The following PLEKHH2 variants were observed in gnomAD, a reference collection of about 807,000 sequenced individuals.
PLEKHH2 encodes the protein pleckstrin homology, MyTH4 and FERM domain containing H2, also known as pleckstrin homology domain-containing family H member 2.
PLEKHH2 carries 129 observed loss-of-function variants against 187.9 expected under a neutral mutation model. The observed-to-expected ratio is 0.69, with a 90% CI of 0.59 to 0.79. The LOEUF is 0.79. Among genes scored for constraint, PLEKHH2 ranks in the 30% least tolerant of loss-of-function variants. The pLI, the probability that PLEKHH2 is intolerant of heterozygous loss-of-function variation, is 0.00. For missense variants in PLEKHH2, 2,076 were observed against 1,751.2 expected, an observed-to-expected ratio of 1.19 and a Z score of -3.31; for synonymous variants, 686 against 605.6, an observed-to-expected ratio of 1.13 and a Z score of -1.95.
intron 2 of PLEKHH2, among the ~76,000 whole-genome samples, chr2:43,668,708 C>G (rs995099024): frequency 6.6e-6 from 1 of 152,142 alleles, no homozygotes; most frequent in Non-Finnish European, 1.5e-5. Flanking sequence ...CACAATGGTA[C>G]CTGTCTGTAG....
intron 3 of PLEKHH2, 149 bp downstream of exon 3, chr2:43,679,074 C>G (rs935314341): frequency 8.2e-6 from 4 of 486,668 alleles, no homozygotes; most frequent in African/African-American, 6.0e-5. Context: ...AATGGAGAAT[C>G]TAACTCTATT....
intron 11 of PLEKHH2, 82 bp downstream of exon 11, chr2:43,707,627 A>G (rs1669727042): frequency 6.6e-7 from 1 of 1,509,298 alleles, no homozygotes; most frequent in East Asian, 2.3e-5. Context: ...TTACAGGATT[A>G]TTTTTTAAAT....
At chr2:43,695,256 G>T (rs1446649140) in intron 6 of PLEKHH2, 32 bp downstream of exon 6, 2 of 1,295,632 alleles carry the variant, frequency 1.5e-6, no homozygotes, top group African/African-American at 1.5e-5. Flanking sequence ...AGCTTAGTTG[G>T]ATTTATTTGA....
chr2:43,663,970 C>CTGTAGA (rs1337809674), intron 2 of PLEKHH2, among the ~76,000 whole-genome samples: 1 of 117,976 alleles, frequency 8.5e-6, no homozygotes, highest in Non-Finnish European at 1.8e-5. Flanking sequence ...GTGGAGAGTT[C>CTGTAGA]TGTAGATGTC....
chr2:43,666,111 C>T (rs1380908673), intron 2 of PLEKHH2, among the ~76,000 whole-genome samples: 1 of 149,742 alleles, frequency 6.7e-6, no homozygotes, highest in South Asian at 2.1e-4. Flanking sequence ...GACTGCTGTG[C>T]TAGCAATCAG....
At chr2:43,684,818 C>CA (rs1193570642) in intron 3 of PLEKHH2, among the ~76,000 whole-genome samples, 18 of 130,648 alleles carry the variant, frequency 1.4e-4, no homozygotes, top group African/African-American at 5.2e-4. Context: ...ACTCCCATTA[C>CA]CAAAAAAAAA....
intron 2 of PLEKHH2, among the ~76,000 whole-genome samples, chr2:43,645,966 G>C (rs896116163): frequency 2.6e-5 from 4 of 152,084 alleles, no homozygotes; most frequent in African/African-American, 7.2e-5. Context: ...GAATCTCTTA[G>C]TACAGAATTA....
chr2:43,666,479 C>T (rs980008593), intron 2 of PLEKHH2, among the ~76,000 whole-genome samples: 3 of 147,200 alleles, frequency 2.0e-5, no homozygotes, highest in South Asian at 2.1e-4. Context: ...TGTTCCTATT[C>T]GGCCATCTTG....
intron 14 of PLEKHH2, 114 bp from the exon 15 acceptor site, chr2:43,712,110 AT>A (rs1438379812): frequency 4.3e-6 from 6 of 1,386,212 alleles, no homozygotes; most frequent in Non-Finnish European, 5.9e-6. Context: ...GGGACTTGAG[AT>A]TTAGCATGTT....
intron 3 of PLEKHH2, among the ~76,000 whole-genome samples, chr2:43,682,293 G>A (rs1668233026): frequency 6.6e-6 from 1 of 151,980 alleles, no homozygotes; most frequent in Non-Finnish European, 1.5e-5. Flanking sequence ...AATCAAAGTG[G>A]AATTCACATA....
At position 43,765,841 on chromosome 2, in the gene PLEKHH2, C is replaced by G; in HGVS notation, c.*243C>G. 2.7e-6 allele frequency: 1 copy of G among 372,158 alleles called. No individual in the cohort carries two copies. The allele number at this position is 372,158 out of a possible 1,614,324, so 23.1% of individuals were successfully genotyped here. A position where few individuals can be genotyped will look rare whatever the true frequency, so the allele number is the denominator to read the frequency against. On this transcript the variant is annotated 3_prime_UTR_variant, in exon 30 of 30. Coordinates refer to ENST00000282406, the MANE Select transcript of PLEKHH2 (RefSeq NM_172069.4). ...ATAGAGTAAATGAGTAAGAATTCAT[C>G]ATTTTTTCCATCTCCCTTCTCCCTT...
At chr2:43,747,636 A>G (rs1252201206) in intron 24 of PLEKHH2, among the ~76,000 whole-genome samples, 1 of 152,130 alleles carries the variant, frequency 6.6e-6, no homozygotes, top group African/African-American at 2.4e-5. Flanking sequence ...TATTAGCAAA[A>G]GGTAGTACTT....
At chr2:43,701,140 C>A (rs969478725) in intron 8 of PLEKHH2, among the ~76,000 whole-genome samples, 2 of 152,208 alleles carry the variant, frequency 1.3e-5, no homozygotes, top group South Asian at 4.1e-4. Flanking sequence ...AATGAGCTTT[C>A]TAATACTGAA....
At chr2:43,761,360 A>AT (rs1672421061) in intron 27 of PLEKHH2, among the ~76,000 whole-genome samples, 1 of 151,394 alleles carries the variant, frequency 6.6e-6, no homozygotes, top group African/African-American at 2.4e-5. Context: ...CTTTTTATTA[A>AT]TATAATTTCA....
At chr2:43,754,421 G>A (rs557903320) in intron 25 of PLEKHH2, among the ~76,000 whole-genome samples, 1 of 151,930 alleles carries the variant, frequency 6.6e-6, no homozygotes, top group South Asian at 2.1e-4. Flanking sequence ...GGGCTGAAAA[G>A]GGCATGCTCT....
In PLEKHH2 at chr2:43,758,911, A is replaced by T; in HGVS notation, c.3953A>T (p.Gln1318Leu). ...CSEEQLRQLC[Q>L]RLSTRWMALR... ...TTCTTTTTTTTTAGGCAGCTTTGCCAGCGACTTTCAACCAGATGGATGGCC... is the reference window on the plus strand; with the variant it reads ...TTCTTTTTTTTTAGGCAGCTTTGCCTGCGACTTTCAACCAGATGGATGGCC... Residue 1318 changes from glutamine to leucine, a missense_variant, in exon 27 of 30, where the codon CAG (glutamine) becomes CTG (leucine). By Grantham distance (113) the Gln-to-Leu change is moderately radical (BLOSUM62 -2). Transcript: ENST00000282406. 6.3e-7 allele frequency: 1 copy of T among 1,577,002 alleles called. No individual in the cohort carries two copies. The highest frequency in any genetic ancestry group is 8.6e-7 in the Non-Finnish European group (1 of 1,160,514).
chr2:43,718,671 A>G (rs1260133044), intron 15 of PLEKHH2, among the ~76,000 whole-genome samples: 1 of 152,242 alleles, frequency 6.6e-6, no homozygotes, highest in Non-Finnish European at 1.5e-5. Context: ...TCTTTTAAAG[A>G]TAAATCATTT....
intron 11 of PLEKHH2, among the ~76,000 whole-genome samples, chr2:43,707,893 A>G (rs1228389997): frequency 6.6e-6 from 1 of 152,220 alleles, no homozygotes; most frequent in Non-Finnish European, 1.5e-5. Flanking sequence ...GCTAACTGGC[A>G]GAAAATATAC....
chr2:43,697,264 G>T lies in PLEKHH2; in HGVS notation c.596G>T (p.Arg199Leu), dbSNP rs200313721. 6.2e-7 allele frequency: 1 copy of T among 1,613,800 alleles called. No individual in the cohort carries two copies. The highest frequency in any genetic ancestry group is 2.2e-5 in the East Asian group (1 of 44,860). The part of the protein sequence containing the change: ...SSLTFGCFLS[R>L]ARSPPQVVKS... ...TTGACCTTTGGGTGCTTTTTATCTC[G>T]AGCAAGGAGTCCTCCTCAAGTAGTA... Residue 199 changes from arginine to leucine, a missense_variant, in exon 7 of 30, where the codon CGA (arginine) becomes CTA (leucine). Transcript: ENST00000282406.
Sources: gnomAD v4.1 joint callset for allele counts (sites outside exome capture counted in the v4.1 genomes callset) on GRCh38, gnomAD v4.1.1 for gene constraint, MANE v1.5 for transcripts, NCBI Gene and HGNC (gene_info 2026-07-23, HGNC 2026-07-21) for gene names.